The following CAMK1D variants were observed in gnomAD, a reference collection of about 807,000 sequenced individuals.
CAMK1D encodes calcium/calmodulin-dependent protein kinase type 1D.
A neutral mutation model predicts 47.7 loss-of-function variants in CAMK1D; 9 were observed. The ratio of observed to expected loss-of-function variants is 0.19; its 90% CI spans 0.11 to 0.33. CAMK1D has a LOEUF of 0.33. CAMK1D is among the 10% of genes least tolerant of loss of function. The pLI, the probability that CAMK1D is intolerant of heterozygous loss-of-function variation, is 1.00. For synonymous variants in CAMK1D, 184 were observed against 184.9 expected (o/e 0.99, Z 0.04); for missense variants, 291 against 488.7 (o/e 0.60, Z 3.81).
At chr10:12,674,807 G>A (rs1564483457) in intron 3 of CAMK1D, among the ~76,000 whole-genome samples, 2 of 151,634 alleles carry the variant, frequency 1.3e-5, no homozygotes, top group African/African-American at 4.8e-5. Flanking sequence ...GCTGAGGCGG[G>A]TGGATCACGA....
At chr10:12,605,028 C>T (rs1470820146) in intron 2 of CAMK1D, among the ~76,000 whole-genome samples, 1 of 152,050 alleles carries the variant, frequency 6.6e-6, no homozygotes, top group Admixed American at 6.6e-5. Context: ...GCTGGGACTA[C>T]AGGCACCTGC....
chr10:12,458,181 G>C (rs571199059), intron 1 of CAMK1D, among the ~76,000 whole-genome samples: 1 of 152,318 alleles, frequency 6.6e-6, no homozygotes, highest in South Asian at 2.1e-4. Flanking sequence ...TGCACTGTCT[G>C]CTGTTGCACA....
chr10:12,523,067 T>G (rs545976543), intron 1 of CAMK1D, among the ~76,000 whole-genome samples: 19 of 140,316 alleles, frequency 1.4e-4, no homozygotes, highest in African/African-American at 4.6e-4. Context: ...CACTTCTCAG[T>G]CGGGGCGGCT....
rs761633992 is a variant in CAMK1D at position 12,658,758 on chromosome 10, A to G, written c.225-7978A>G. ...TTGGAGGAGAGCCCAGCCGCTGGGC[A>G]GCATGACTCCAGGGGAAACCACCTT... On this transcript the variant is annotated intron_variant, in intron 2 of 10. Transcript: ENST00000619168. Among the ~76,000 whole-genome samples, 118 of 152,264 alleles carry G rather than the reference A, an allele frequency of 7.7e-4. 1 individual carries two copies. The highest frequency in any genetic ancestry group is 6.2e-4 in the Non-Finnish European group (42 of 68,010).
intron 1 of CAMK1D, among the ~76,000 whole-genome samples, chr10:12,461,236 A>G (rs1588510556): frequency 6.6e-6 from 1 of 152,172 alleles, no homozygotes; most frequent in East Asian, 1.9e-4. Context: ...CACTCTGAGG[A>G]TACATGTTCC....
At chr10:12,615,959 GGTGTGTAT>G (rs1388341643) in intron 2 of CAMK1D, among the ~76,000 whole-genome samples, 20 of 150,308 alleles carry the variant, frequency 1.3e-4, no homozygotes, top group African/African-American at 4.9e-4. Flanking sequence ...TGTGCGCATA[GGTGTGTAT>G]GTGTGCATGT....
At chr10:12,579,654 A>G (rs757324291) in intron 2 of CAMK1D, among the ~76,000 whole-genome samples, 2 of 151,828 alleles carry the variant, frequency 1.3e-5, no homozygotes, top group East Asian at 1.9e-4. Flanking sequence ...TTCTTTCCCT[A>G]CCTGTCAAAA....
chr10:12,756,893 A>T (rs758704110), intron 3 of CAMK1D, among the ~76,000 whole-genome samples: 1 of 152,262 alleles, frequency 6.6e-6, no homozygotes, highest in Non-Finnish European at 1.5e-5. Context: ...ACTGCACTCC[A>T]GCCTGGGCGA....
chr10:12,413,097 G>A (rs1245949841), intron 1 of CAMK1D, among the ~76,000 whole-genome samples: 1 of 152,138 alleles, frequency 6.6e-6, no homozygotes, highest in Non-Finnish European at 1.5e-5. Context: ...CAAGAAAAGA[G>A]GCTTAATTGG....
chr10:12,464,684 G>A (rs1050213675), intron 1 of CAMK1D, among the ~76,000 whole-genome samples: 4 of 151,992 alleles, frequency 2.6e-5, no homozygotes, highest in African/African-American at 7.3e-5. Context: ...GTGTGGTGGC[G>A]GGTACCTGTA....
intron 1 of CAMK1D, among the ~76,000 whole-genome samples, chr10:12,411,640 C>T (rs568762718): frequency 6.7e-6 from 1 of 148,384 alleles, no homozygotes; most frequent in East Asian, 2.0e-4. Context: ...CTCCTGTTGC[C>T]TAGGCTGGAG....
intron 2 of CAMK1D, among the ~76,000 whole-genome samples, chr10:12,638,023 G>A (rs1305776057): frequency 6.6e-6 from 1 of 152,308 alleles, no homozygotes; most frequent in East Asian, 1.9e-4. Flanking sequence ...ACCACAGGCA[G>A]CTGAATGGTG....
At chr10:12,792,545 G>T (rs914510722) in intron 6 of CAMK1D, among the ~76,000 whole-genome samples, 3 of 152,208 alleles carry the variant, frequency 2.0e-5, no homozygotes, top group Non-Finnish European at 4.4e-5. Flanking sequence ...CTGGCAGTGT[G>T]TGGCATCCTC....
At chr10:12,512,905 C>T in intron 1 of CAMK1D, among the ~76,000 whole-genome samples, 1 of 152,134 alleles carries the variant, frequency 6.6e-6, no homozygotes, top group South Asian at 2.1e-4. Context: ...ATAGATGGAC[C>T]GGAGCGAGCA....
chr10:12,648,222 T>C (rs945303193), intron 2 of CAMK1D, among the ~76,000 whole-genome samples: 13 of 152,216 alleles, frequency 8.5e-5, no homozygotes, highest in African/African-American at 2.4e-4. Flanking sequence ...CACTTAATTC[T>C]CCCGTCTGTA....
chr10:12,724,676 C>T (rs780018369), intron 3 of CAMK1D, among the ~76,000 whole-genome samples: 13 of 152,164 alleles, frequency 8.5e-5, no homozygotes, highest in Non-Finnish European at 1.6e-4. Flanking sequence ...AGCTTGACAC[C>T]GGGCAACCGC....
At chr10:12,583,605 A>AT (rs199562739) in intron 2 of CAMK1D, among the ~76,000 whole-genome samples, 26,864 of 132,526 alleles carry the variant, frequency 0.2, 2,605 homozygotes, top group Middle Eastern at 0.26. Context: ...TTGTTGTTTT[A>AT]TTTTTTTTTT....
intron 3 of CAMK1D, among the ~76,000 whole-genome samples, chr10:12,713,671 G>A (rs1180502535): frequency 6.6e-6 from 1 of 152,162 alleles, no homozygotes; most frequent in Non-Finnish European, 1.5e-5. Flanking sequence ...ATGTTTGTTA[G>A]GATGTGGTCA....
intron 5 of CAMK1D, among the ~76,000 whole-genome samples, chr10:12,777,468 G>C (rs563741958): frequency 6.6e-6 from 1 of 151,118 alleles, no homozygotes; most frequent in Non-Finnish European, 1.5e-5. Flanking sequence ...TGCCTCCTGG[G>C]TTCAAGCGAT....
Sources: allele counts gnomAD v4.1 joint callset (sites outside exome capture counted in the v4.1 genomes callset), GRCh38; gene constraint gnomAD v4.1.1; transcripts MANE v1.5; gene names NCBI Gene and HGNC (gene_info 2026-07-23, HGNC 2026-07-21).